ATRNL1: variants seen among roughly 807,000 people sequenced by gnomAD.
ATRNL1 encodes attractin like 1, also known as attractin-like protein 1.
Under a neutral mutation model 182.7 loss-of-function variants are expected in ATRNL1, and 95 were observed. The observed-to-expected ratio is 0.52, with a 90% CI of 0.44 to 0.62. ATRNL1 has a LOEUF of 0.62. Ranked by LOEUF, ATRNL1 falls within the 20% of genes least tolerant of loss-of-function variation. The probability of loss-of-function intolerance (pLI) is 0.00; values close to 1 mark genes in which losing one functional copy is unlikely to be tolerated. For synonymous variants in ATRNL1, 576 were observed against 568.3 expected (o/e 1.01, Z -0.19); for missense variants, 1,471 against 1,679.5 (o/e 0.88, Z 2.17).
At chr10:115,796,280 C>T (rs1380910337) in intron 27 of ATRNL1, among the ~76,000 whole-genome samples, 2 of 151,982 alleles carry the variant, frequency 1.3e-5, no homozygotes, top group African/African-American at 2.4e-5. Flanking sequence ...CCCTCCTTCA[C>T]ATGTACCTCC....
chr10:115,711,029 G>C (rs1947047978), intron 26 of ATRNL1, among the ~76,000 whole-genome samples: 1 of 152,074 alleles, frequency 6.6e-6, no homozygotes, highest in Non-Finnish European at 1.5e-5. Flanking sequence ...CTGGGTAATA[G>C]CATAGCTATT....
rs782769730 is a variant in ATRNL1, at chr10:115,394,721, A to G, written c.3238A>G (p.Thr1080Ala). The G allele has an allele frequency of 6.2e-7, 1 of 1,609,646 alleles. No individual in the cohort carries two copies. Among genetic ancestry groups the G allele is most frequent in the Admixed American group, 1.7e-5 (1 of 59,352 alleles). ...HLHTGKCFCTTKGIKGDQCQL... is the reference protein window; with the variant it reads ...HLHTGKCFCTAKGIKGDQCQL... ...GCACACAGGAAAATGTTTCTGCACA[A>G]CTAAAGGAATAAAAGGTGACCAATG... Residue 1080 changes from threonine (T) to alanine (A), a missense_variant, in exon 20 of 29, where the codon ACT (threonine) becomes GCT (alanine). This residue lies in a region of ATRNL1 where 437 missense variants were observed against 506.0 expected (regional missense o/e 0.86). Transcript: ENST00000355044.
chr10:115,842,056 AT>A (rs1181157884), intron 27 of ATRNL1, among the ~76,000 whole-genome samples: 1 of 152,130 alleles, frequency 6.6e-6, no homozygotes, highest in African/African-American at 2.4e-5. Context: ...TAAGAATAGC[AT>A]TAGAAGTATT....
At chr10:115,775,552 TA>T (rs1202895549) in intron 27 of ATRNL1, among the ~76,000 whole-genome samples, 3 of 152,148 alleles carry the variant, frequency 2.0e-5, no homozygotes, top group Non-Finnish European at 4.4e-5. Flanking sequence ...TATTTGAACT[TA>T]AAAAGACAAA....
intron 26 of ATRNL1, among the ~76,000 whole-genome samples, chr10:115,676,506 A>G (rs116063030): frequency 2.5e-3 from 381 of 152,080 alleles, no homozygotes; most frequent in African/African-American, 8.6e-3. Flanking sequence ...CAGATTAGTT[A>G]TATATAATTT....
At chr10:115,375,608 TTTTC>T (rs1380599632) in intron 19 of ATRNL1, among the ~76,000 whole-genome samples, 2 of 152,050 alleles carry the variant, frequency 1.3e-5, no homozygotes. Flanking sequence ...TCTCATTCTT[TTTTC>T]TTTATCTTTT....
At chr10:115,305,045 T>C (rs1312546666) in intron 17 of ATRNL1, among the ~76,000 whole-genome samples, 1 of 151,806 alleles carries the variant, frequency 6.6e-6, no homozygotes, top group African/African-American at 2.4e-5. Flanking sequence ...GAGATCCCTG[T>C]TGGTGGTAAA....
chr10:115,106,488 C>A (rs1474837230), intron 1 of ATRNL1, among the ~76,000 whole-genome samples: 1 of 151,992 alleles, frequency 6.6e-6, no homozygotes, highest in African/African-American at 2.4e-5. Flanking sequence ...GGGCCAGGGG[C>A]AGAATGATAT....
intron 20 of ATRNL1, among the ~76,000 whole-genome samples, chr10:115,407,042 TG>T (rs1399818000): frequency 6.6e-6 from 1 of 152,204 alleles, no homozygotes; most frequent in African/African-American, 2.4e-5. Context: ...TTCAGATTTT[TG>T]TTTCTTCTAG....
intron 28 of ATRNL1, among the ~76,000 whole-genome samples, chr10:115,941,081 A>C (rs1424082721): frequency 6.6e-6 from 1 of 152,202 alleles, no homozygotes; most frequent in Admixed American, 6.5e-5. Flanking sequence ...AATGGCCCTG[A>C]GTGTTCTCTG....
At chr10:115,450,403 C>G (rs1298983099) in intron 21 of ATRNL1, among the ~76,000 whole-genome samples, 2 of 152,154 alleles carry the variant, frequency 1.3e-5, no homozygotes, top group African/African-American at 4.8e-5. Flanking sequence ...AGTCCAAAGG[C>G]TCCTTCAACT....
rs782223880 is a variant in ATRNL1, at chr10:115,127,698, A to G, written c.597A>G (p.Leu199=). The change falls in exon 4 of 29, where the codon CTA becomes CTG. Residue 199 remains leucine, a synonymous_variant. Coordinates refer to ENST00000355044, the MANE Select transcript of ATRNL1 (RefSeq NM_207303.4). ...LHFFSDAAYN[L]TGFNIFYSIN... The stretch of plus-strand genomic sequence containing the variant: ...TTTTTAGTGATGCTGCGTATAATCT[A>G]ACTGGTTTCAACATTTTCTATTCGT... 1.4e-6 allele frequency: 2 copies of G among 1,479,188 alleles called. No homozygotes were observed. Among genetic ancestry groups the G allele is most frequent in the East Asian group, 2.6e-5 (1 of 38,820 alleles). 91.6% of individuals were successfully genotyped at this position (1,479,188 alleles called of 1,614,324 possible).
At chr10:115,705,378 G>T (rs1379318586) in intron 26 of ATRNL1, among the ~76,000 whole-genome samples, 1 of 151,848 alleles carries the variant, frequency 6.6e-6, no homozygotes, top group Non-Finnish European at 1.5e-5. Context: ...TAGAGGTATT[G>T]ATTTTAAAAA....
rs1416529200 is a variant in ATRNL1 at position 115,948,876 on chromosome 10, G to C, written c.*4097G>C. 2 of 53,472 alleles carry C rather than the reference G, an allele frequency of 3.7e-5. No individual in the cohort carries two copies. Among genetic ancestry groups the C allele is most frequent in the Non-Finnish European group, 8.1e-5 (2 of 24,752 alleles). The allele number at this position is 53,472 out of a possible 1,614,324, so 3.3% of individuals were successfully genotyped here. On this transcript the variant is annotated 3_prime_UTR_variant, in exon 29 of 29. Transcript: ENST00000355044. ...TATATGTACACAGGTGTGCATGCCA[G>C]TGTTCAAAAGATTGTGTAAAAGTTC...
At chr10:115,257,362 G>T (rs1374846827) in intron 10 of ATRNL1, among the ~76,000 whole-genome samples, 1 of 152,154 alleles carries the variant, frequency 6.6e-6, no homozygotes, top group Non-Finnish European at 1.5e-5. Context: ...TTGTTAAATT[G>T]ATCCCTTTAC....
chr10:115,094,920 G>A (rs1554862756), intron 1 of ATRNL1, among the ~76,000 whole-genome samples: 2 of 152,132 alleles, frequency 1.3e-5, no homozygotes, highest in Non-Finnish European at 2.9e-5. Flanking sequence ...ATTTTTTTCT[G>A]ATCGGTTAAT....
At chr10:115,533,508 T>C (rs1474882244) in intron 25 of ATRNL1, among the ~76,000 whole-genome samples, 1 of 152,166 alleles carries the variant, frequency 6.6e-6, no homozygotes, top group Non-Finnish European at 1.5e-5. Context: ...TCTTTATTAG[T>C]CTTGCTAGCT....
intron 21 of ATRNL1, among the ~76,000 whole-genome samples, chr10:115,435,997 T>C (rs1213392415): frequency 6.6e-6 from 1 of 152,144 alleles, no homozygotes; most frequent in Non-Finnish European, 1.5e-5. Context: ...ATTTTAGCTG[T>C]ATGAGCAAGC....
intron 25 of ATRNL1, among the ~76,000 whole-genome samples, chr10:115,529,706 G>C (rs530041353): frequency 6.6e-6 from 1 of 151,976 alleles, no homozygotes; most frequent in Non-Finnish European, 1.5e-5. Context: ...ACTTATCATT[G>C]TCTAATTTTT....
Sources: gnomAD v4.1 joint callset for allele counts (sites outside exome capture counted in the v4.1 genomes callset) on GRCh38, gnomAD v4.1.1 for gene constraint, gnomAD v4.1.1 regional missense constraint, MANE v1.5 for transcripts, NCBI Gene and HGNC (gene_info 2026-07-23, HGNC 2026-07-21) for gene names.